The following TMEM98 variants were observed in gnomAD, a reference collection of about 807,000 sequenced individuals.
The protein encoded by TMEM98 is transmembrane protein 98.
Under a neutral mutation model 25.0 loss-of-function variants are expected in TMEM98, and 18 were observed. That is an observed-to-expected ratio of 0.72 (90% CI 0.50 to 1.07). TMEM98 has a LOEUF of 1.07. Among genes scored for constraint, TMEM98 ranks in the 50% least tolerant of loss-of-function variants. The pLI, the probability that TMEM98 is intolerant of heterozygous loss-of-function variation, is 0.00. For synonymous variants in TMEM98, 103 were observed against 112.4 expected (o/e 0.92, Z 0.53); for missense variants, 241 against 289.0 (o/e 0.83, Z 1.20).
chr17:32,928,732 TTAAGA>T (rs1012587888), intron 1 of TMEM98, among the ~76,000 whole-genome samples: 6 of 138,344 alleles, frequency 4.3e-5, no homozygotes, highest in African/African-American at 8.3e-5. Flanking sequence ...AGAAGCACAC[TTAAGA>T]TAAACACTCA....
At chr17:32,931,082 T>C (rs1249935821) in intron 1 of TMEM98, 8 of 155,354 alleles carry the variant, frequency 5.1e-5, no homozygotes, top group Non-Finnish European at 1.0e-4. Flanking sequence ...CAGGCACCTG[T>C]AATCCTAGCT....
intron 1 of TMEM98, among the ~76,000 whole-genome samples, chr17:32,929,335 G>C (rs770475371): frequency 6.6e-6 from 1 of 151,988 alleles, no homozygotes; most frequent in Non-Finnish European, 1.5e-5. Context: ...AGAGAAACAC[G>C]ATCAGAGAAA....
chr17:32,935,515 C>T (rs912761075), intron 5 of TMEM98, among the ~76,000 whole-genome samples: 5 of 152,026 alleles, frequency 3.3e-5, no homozygotes, highest in Non-Finnish European at 7.4e-5. Context: ...TTCTAAGTCT[C>T]CTCTTGGGAT....
intron 7 of TMEM98, among the ~76,000 whole-genome samples, chr17:32,939,864 G>C (rs2091519353): frequency 6.6e-6 from 1 of 152,172 alleles, no homozygotes; most frequent in Admixed American, 6.5e-5. Context: ...CCCAGAAGCA[G>C]ACATGCCTTA....
chr17:32,931,295 C>T (rs887959171), intron 1 of TMEM98, 32 bp from the exon 2 acceptor site: 3 of 442,728 alleles, frequency 6.8e-6, no homozygotes, highest in African/African-American at 6.1e-5. Flanking sequence ...AAATTTGGGG[C>T]ATGGCATAAA....
At chr17:32,935,469 T>A (rs2091491311) in intron 5 of TMEM98, among the ~76,000 whole-genome samples, 1 of 152,074 alleles carries the variant, frequency 6.6e-6, no homozygotes, top group Non-Finnish European at 1.5e-5. Flanking sequence ...TTGGAATCTG[T>A]GTCTACCCGG....
At chr17:32,938,792 C>G in intron 6 of TMEM98, among the ~76,000 whole-genome samples, 1 of 152,186 alleles carries the variant, frequency 6.6e-6, no homozygotes, top group East Asian at 1.9e-4. Flanking sequence ...GTGAGTGTTC[C>G]TCCAGATCCT....
chr17:32,940,781 C>T lies in TMEM98; in HGVS notation c.474-5C>T, dbSNP rs759809906. 2.5e-6 allele frequency: 4 copies of T among 1,606,106 alleles called. No homozygotes were observed. The highest frequency in any genetic ancestry group is 1.7e-5 in the Admixed American group (1 of 57,538). ...AACCTGACCCTATTTTCTTTTTTTC[C>T]CTAGGACGACTGCCCTGCTCCTGTC... On this transcript the variant is annotated splice_polypyrimidine_tract_variant and splice_region_variant and intron_variant, in intron 7 of 7. Transcript: ENST00000579849.
chr17:32,933,734 G>GT (rs997856449), intron 4 of TMEM98, among the ~76,000 whole-genome samples: 1 of 152,190 alleles, frequency 6.6e-6, no homozygotes, highest in African/African-American at 2.4e-5. Context: ...TCCCATGTTT[G>GT]TGGGGCATTA....
rs909264097 is a variant in TMEM98, at chr17:32,931,601, C to T, written c.73C>T (p.Leu25=). ...TCTGGCTTCGTTTGCAGCCTTGGTG[C>T]TGGTTTGCAGGCAGCGCTACTGCCG... ...IFLASFAALV[L]VCRQRYCRPR... The change falls in exon 3 of 8, where the codon CTG becomes TTG. Residue 25 remains leucine, a synonymous_variant. Transcript: ENST00000579849. 1.2e-6 allele frequency: 2 copies of T among 1,604,472 alleles called. No individual in the cohort carries two copies. Among genetic ancestry groups the T allele is most frequent in the Non-Finnish European group, 1.7e-6 (2 of 1,175,894 alleles).
intron 5 of TMEM98, among the ~76,000 whole-genome samples, chr17:32,935,223 C>T (rs957774705): frequency 2.0e-5 from 3 of 152,160 alleles, no homozygotes; most frequent in African/African-American, 4.8e-5. Context: ...ATCTCAGAGT[C>T]CAGGCTTAGT....
intron 7 of TMEM98, among the ~76,000 whole-genome samples, chr17:32,939,943 T>G (rs1245150154): frequency 3.3e-5 from 5 of 152,142 alleles, no homozygotes; most frequent in Admixed American, 3.3e-4. Context: ...AGGTGACAGG[T>G]CAGCCACAGC....
intron 6 of TMEM98, 100 bp downstream of exon 6, chr17:32,936,547 C>G: frequency 1.0e-6 from 1 of 956,006 alleles, no homozygotes; most frequent in East Asian, 2.4e-5. Flanking sequence ...TAAAATGGTG[C>G]ACAGGCAACT....
chr17:32,934,183 G>A (rs2091483798), intron 4 of TMEM98, 108 bp from the exon 5 acceptor site: 23 of 1,215,638 alleles, frequency 1.9e-5, no homozygotes, highest in Non-Finnish European at 2.3e-5. Flanking sequence ...TCAGTGGTTG[G>A]TATTGGGCTG....
chr17:32,933,412 A>G lies in TMEM98; in HGVS notation c.263+107A>G. The G allele has an allele frequency of 2.7e-6, 4 of 1,467,796 alleles. No homozygotes were observed. In the Admixed American group the frequency reaches 7.2e-5, roughly 26 times the overall value. The allele number at this position is 1,467,796 out of a possible 1,614,324, so 90.9% of individuals were successfully genotyped here. On this transcript the variant is annotated intron_variant, in intron 4 of 7. Coordinates refer to ENST00000579849, the MANE Select transcript of TMEM98 (RefSeq NM_015544.3). ...GGCATTCAAGAACAGTCACTCTGTT[A>G]CTTGCTGCTCTTTCCTGTGCCTTTA...
chr17:32,934,478 C>A, intron 5 of TMEM98, 154 bp downstream of exon 5: 2 of 739,036 alleles, frequency 2.7e-6, no homozygotes, highest in Non-Finnish European at 4.6e-6. Context: ...TTACTTCCCC[C>A]CCTGCCTGGA....
Position 32,942,574 on chromosome 17 carries a change from C to G in TMEM98, c.*1581C>G, listed in dbSNP as rs2091536319. 1 of 152,262 alleles carries G rather than the reference C, an allele frequency of 6.6e-6. No individual in the cohort carries two copies. Among genetic ancestry groups the G allele is most frequent in the Non-Finnish European group, 1.5e-5 (1 of 68,054 alleles). 9.4% of individuals were successfully genotyped at this position (152,262 alleles called of 1,614,324 possible). A position where few individuals can be genotyped will look rare whatever the true frequency, so the allele number is the denominator to read the frequency against. On this transcript the variant is annotated 3_prime_UTR_variant, in exon 8 of 8. Coordinates refer to ENST00000579849, the MANE Select transcript of TMEM98 (RefSeq NM_015544.3). ...TCCAGGAAAACAGGCCACTTCCAAC[C>G]TGCACAATGTACACCAAACCACAGA...
At chr17:32,931,802 C>G in intron 3 of TMEM98, 143 bp downstream of exon 3, 1 of 1,120,250 alleles carries the variant, frequency 8.9e-7, no homozygotes, top group East Asian at 2.6e-5. Flanking sequence ...CCTGTAAAGA[C>G]CTCAGAGTTT....
In TMEM98 at chr17:32,936,426, T is replaced by C. The variant is rs1362925365; in HGVS notation, c.392T>C (p.Val131Ala). 8 of 1,614,166 alleles carry C rather than the reference T, an allele frequency of 5.0e-6. No individual in the cohort carries two copies. The East Asian group carries it at 1.1e-4, about 22-fold the overall frequency. Residue 131 changes from valine to alanine, a missense_variant, in exon 6 of 8, where the codon GTG becomes GCG. Physicochemically the swap from Val to Ala is moderately conservative, Grantham distance 64. Transcript: ENST00000579849. ...TSASVSDIIV[V>A]AKRISPRVDD... is the part of the protein sequence containing the mutation. ...GCCAGTGTCAGCGACATCATTGTGGTGGCCAAGCGGATCAGCCCCAGGTGA... is the reference window on the plus strand; with the variant it reads ...GCCAGTGTCAGCGACATCATTGTGGCGGCCAAGCGGATCAGCCCCAGGTGA...
Sources: gnomAD v4.1 joint callset for allele counts (sites outside exome capture counted in the v4.1 genomes callset) on GRCh38, gnomAD v4.1.1 for gene constraint, MANE v1.5 for transcripts, NCBI Gene and HGNC (gene_info 2026-07-23, HGNC 2026-07-21) for gene names.